Variants in DLGAP2 observed in about 807,000 individuals in gnomAD.
DLGAP2 encodes the protein DLG associated protein 2.
In DLGAP2, 26 loss-of-function variants were observed where a neutral mutation model predicts 100.3. The observed-to-expected ratio is 0.26, with a 90% CI of 0.19 to 0.36. The LOEUF (loss-of-function observed/expected upper bound fraction) is 0.36, where lower values mean the gene tolerates loss of function less well. DLGAP2 is among the 10% of genes least tolerant of loss of function. The pLI is 1.00. For synonymous variants in DLGAP2, 886 were observed against 630.1 expected (o/e 1.41, Z -6.08); for missense variants, 1,858 against 1,453.2 (o/e 1.28, Z -4.53).
At chr8:1,587,508 A>C (rs550222666) in intron 6 of DLGAP2, among the ~76,000 whole-genome samples, 69 of 152,320 alleles carry the variant, frequency 4.5e-4, no homozygotes, top group Middle Eastern at 3.4e-3. Flanking sequence ...TTTACTAATA[A>C]AAGTATATAA....
At chr8:1,062,435 C>G (rs530117153) in intron 2 of DLGAP2, among the ~76,000 whole-genome samples, 2 of 148,552 alleles carry the variant, frequency 1.3e-5, no homozygotes, top group African/African-American at 2.5e-5. Flanking sequence ...ACCCAGACGC[C>G]TCCTGCGCTC....
intron 2 of DLGAP2, among the ~76,000 whole-genome samples, chr8:1,044,592 C>A (rs993896643): frequency 6.6e-6 from 1 of 152,242 alleles, no homozygotes; most frequent in African/African-American, 2.4e-5. Flanking sequence ...CTCTAGGCCT[C>A]CAGACAGTTG....
At chr8:1,492,264 A>T (rs1216757591) in intron 3 of DLGAP2, among the ~76,000 whole-genome samples, 1 of 152,210 alleles carries the variant, frequency 6.6e-6, no homozygotes, top group Non-Finnish European at 1.5e-5. Context: ...TGCGAGTGAA[A>T]TGGAGGAGGA....
chr8:1,478,089 C>T (rs778771719), intron 3 of DLGAP2, among the ~76,000 whole-genome samples: 89 of 152,190 alleles, frequency 5.8e-4, no homozygotes, highest in Non-Finnish European at 8.5e-4. Context: ...CCCCATTTGC[C>T]GTCTTGCTCA....
intron 2 of DLGAP2, among the ~76,000 whole-genome samples, chr8:1,190,581 C>T (rs1047979188): frequency 1.3e-5 from 2 of 152,190 alleles, no homozygotes; most frequent in Non-Finnish European, 2.9e-5. Context: ...CTGCGAGCCG[C>T]CTGTCGCAAT....
At chr8:893,055 G>C (rs1342583294) in intron 1 of DLGAP2, 1 of 152,196 alleles carries the variant, frequency 6.6e-6, no homozygotes, top group Non-Finnish European at 1.5e-5. Flanking sequence ...AAAGCCCGGG[G>C]CTAAAGAGGC....
chr8:798,908 G>A (rs1023762526), intron 1 of DLGAP2, among the ~76,000 whole-genome samples: 8 of 152,264 alleles, frequency 5.3e-5, no homozygotes, highest in East Asian at 1.9e-4. Context: ...GCCTGCTTCC[G>A]TTGGCACTGA....
chr8:1,255,011 G>GC lies in DLGAP2; in HGVS notation c.74-3839dup, dbSNP rs1563043366. On this transcript the variant is annotated intron_variant, in intron 2 of 14. Coordinates refer to ENST00000637795, the MANE Select transcript of DLGAP2 (RefSeq NM_001346810.2). ...GTGTGTGTCCTCTCATCCTGCTTGGGCGCTGTGTGTGTGTCTTCTCCTGCC... is the reference window on the plus strand; with the variant it reads ...GTGTGTGTCCTCTCATCCTGCTTGGGCCGCTGTGTGTGTGTCTTCTCCTGCC... Among the ~76,000 whole-genome samples the GC allele has an allele frequency of 1.5e-3, 66 of 45,384 alleles. 5 individuals are homozygous for GC. Among genetic ancestry groups the GC allele is most frequent in the African/African-American group, 4.1e-3 (55 of 13,358 alleles). 29.8% of individuals were successfully genotyped at this position (45,384 alleles called of 152,430 possible). A position where few individuals can be genotyped will look rare whatever the true frequency, so the allele number is the denominator to read the frequency against.
chr8:1,236,270 T>G (rs374533354), intron 2 of DLGAP2, among the ~76,000 whole-genome samples: 1,763 of 13,102 alleles, frequency 0.13, no homozygotes, highest in South Asian at 0.17. Flanking sequence ...ATGGTGCCGT[T>G]TCTAGTTCTC....
chr8:1,507,236 C>T (rs1054760957), intron 4 of DLGAP2, among the ~76,000 whole-genome samples: 3 of 152,198 alleles, frequency 2.0e-5, no homozygotes, highest in Non-Finnish European at 4.4e-5. Context: ...GCTTGGGCCG[C>T]GCGGGAGCCC....
intron 2 of DLGAP2, among the ~76,000 whole-genome samples, chr8:1,230,041 A>G (rs1371054887): frequency 6.6e-6 from 1 of 152,188 alleles, no homozygotes; most frequent in Non-Finnish European, 1.5e-5. Flanking sequence ...GTAGTAAAAG[A>G]CATCCAAATA....
chr8:848,831 CTAGGATCTTGTGATGTGTGTTCCAGCA>C (rs1797119702), intron 1 of DLGAP2, among the ~76,000 whole-genome samples: 2 of 148,688 alleles, frequency 1.3e-5, no homozygotes, highest in East Asian at 2.0e-4. Context: ...TTGTTCCAGT[CTAGGATCTTGTGATGTGTGTTCCAGCA>C]TAGGATCGCG....
chr8:1,482,788 C>G (rs10089562), intron 3 of DLGAP2, among the ~76,000 whole-genome samples: 103,055 of 152,244 alleles, frequency 0.68, 35,458 homozygotes, highest in African/African-American at 0.79. Flanking sequence ...GGCAGCCGTG[C>G]GTGGATGTGG....
intron 2 of DLGAP2, among the ~76,000 whole-genome samples, chr8:967,149 C>T (rs1468127578): frequency 2.6e-5 from 4 of 152,242 alleles, no homozygotes; most frequent in Non-Finnish European, 4.4e-5. Flanking sequence ...GCTGGGCCAT[C>T]GCTGACATTC....
intron 1 of DLGAP2, among the ~76,000 whole-genome samples, chr8:764,179 C>G (rs1821153821): frequency 6.6e-6 from 1 of 152,186 alleles, no homozygotes; most frequent in South Asian, 2.1e-4. Flanking sequence ...CGTGCCGCAG[C>G]TGCCACTCAT....
At chr8:918,639 C>T (rs913396332) in intron 2 of DLGAP2, among the ~76,000 whole-genome samples, 1 of 152,188 alleles carries the variant, frequency 6.6e-6, no homozygotes, top group African/African-American at 2.4e-5. Context: ...GGATAAAATA[C>T]GAGTTGCTGT....
intron 4 of DLGAP2, among the ~76,000 whole-genome samples, chr8:1,506,496 G>A (rs1474641637): frequency 6.6e-6 from 1 of 152,192 alleles, no homozygotes; most frequent in Non-Finnish European, 1.5e-5. Flanking sequence ...GATCTTCGCG[G>A]TGAGTGTTGC....
intron 3 of DLGAP2, among the ~76,000 whole-genome samples, chr8:1,368,062 A>G (rs1043959810): frequency 6.6e-6 from 1 of 152,220 alleles, no homozygotes; most frequent in East Asian, 1.9e-4. Flanking sequence ...TAACGTGCAT[A>G]CCTATCACGG....
intron 3 of DLGAP2, among the ~76,000 whole-genome samples, chr8:1,356,051 G>T (rs1040371447): frequency 3.3e-5 from 5 of 152,238 alleles, no homozygotes; most frequent in African/African-American, 7.2e-5. Context: ...CTGTCGGTCA[G>T]TATGGGGCGG....
Sources: allele counts gnomAD v4.1 joint callset (sites outside exome capture counted in the v4.1 genomes callset), GRCh38; gene constraint gnomAD v4.1.1; transcripts MANE v1.5; gene names NCBI Gene and HGNC (gene_info 2026-07-23, HGNC 2026-07-21).